The following SLC17A5 variants were observed in gnomAD, a reference collection of about 807,000 sequenced individuals.
SLC17A5 encodes the protein sialin.
In SLC17A5, 47 loss-of-function variants were observed where a neutral mutation model predicts 59.4. That is an observed-to-expected ratio of 0.79 (90% CI 0.63 to 1.01). The LOEUF (loss-of-function observed/expected upper bound fraction) is 1.01, where lower values mean the gene tolerates loss of function less well. Among genes scored for constraint, SLC17A5 ranks in the 50% least tolerant of loss-of-function variants. SLC17A5 has a pLI of 0.00. For missense variants in SLC17A5, 522 were observed against 595.5 expected (o/e 0.88, Z 1.28); for synonymous variants, 202 against 210.7 (o/e 0.96, Z 0.36).
chr6:73,645,855 AGAG>A (rs1158037039), intron 1 of SLC17A5, among the ~76,000 whole-genome samples: 1 of 149,416 alleles, frequency 6.7e-6, no homozygotes, highest in African/African-American at 2.4e-5. Context: ...GGATCATGTG[AGAG>A]GAGGAGTTTG....
chr6:73,634,449 G>C (rs934615204), intron 6 of SLC17A5, among the ~76,000 whole-genome samples: 3 of 152,156 alleles, frequency 2.0e-5, no homozygotes, highest in Admixed American at 6.6e-5. Context: ...ACCCAGGCTG[G>C]AGTGCAGTGG....
At chr6:73,624,611 C>T (rs921425524) in intron 6 of SLC17A5, among the ~76,000 whole-genome samples, 1 of 152,030 alleles carries the variant, frequency 6.6e-6, no homozygotes, top group Non-Finnish European at 1.5e-5. Context: ...CGTGGTGGCT[C>T]ATGCCAGTAA....
intron 6 of SLC17A5, among the ~76,000 whole-genome samples, chr6:73,623,662 TTTTATTTA>T (rs145897192): frequency 0.21 from 28,170 of 136,586 alleles, 3,106 homozygotes; most frequent in Middle Eastern, 0.26. Flanking sequence ...TGTCTTTTAT[TTTTATTTA>T]TTTATTTATT....
chr6:73,635,802 G>A lies in SLC17A5; in HGVS notation c.701-302C>T, dbSNP rs1301886857. Among the ~76,000 whole-genome samples the A allele has an allele frequency of 2.7e-5, 4 of 150,722 alleles. No individual in the cohort carries two copies. In the South Asian group the frequency reaches 8.3e-4, roughly 31 times the overall value. On this transcript the variant is annotated intron_variant, in intron 5 of 10. Coordinates refer to ENST00000355773, the MANE Select transcript of SLC17A5 (RefSeq NM_012434.5). ...GTCTCACAGGCTGGAGTGCAGTGAC[G>A]TGATCTCGGCTCACTGCAACCTCCG...
At chr6:73,643,506 T>C (rs1769386958) in intron 2 of SLC17A5, among the ~76,000 whole-genome samples, 1 of 151,932 alleles carries the variant, frequency 6.6e-6, no homozygotes, top group Non-Finnish European at 1.5e-5. Context: ...GACGAAGTCT[T>C]GCTCTTGTTG....
intron 7 of SLC17A5, chr6:73,618,393 G>A (rs2150095369): frequency 3.3e-6 from 1 of 302,820 alleles, no homozygotes; most frequent in East Asian, 5.8e-5. Flanking sequence ...AGGAGAAGAG[G>A]AAACACAAGA....
At chr6:73,602,512 C>T (rs939623551) in intron 9 of SLC17A5, among the ~76,000 whole-genome samples, 12 of 152,194 alleles carry the variant, frequency 7.9e-5, no homozygotes, top group Middle Eastern at 6.8e-3. Flanking sequence ...CGGTGGCTCA[C>T]GCTTGTAATC....
chr6:73,617,710 G>T (rs1209271965), intron 7 of SLC17A5, among the ~76,000 whole-genome samples: 1 of 151,836 alleles, frequency 6.6e-6, no homozygotes, highest in Non-Finnish European at 1.5e-5. Flanking sequence ...TGTGGCGGTG[G>T]ATGCCTGTAA....
chr6:73,593,731 A>G lies in SLC17A5; in HGVS notation c.*1346T>C, dbSNP rs750123499. On this transcript the variant is annotated 3_prime_UTR_variant, in exon 11 of 11. Coordinates refer to ENST00000355773, the MANE Select transcript of SLC17A5 (RefSeq NM_012434.5). ...TTAGATGAAGACAGACTGAACAAAC[A>G]GTGAGAATTAATTAAAAAAAAAATT... 1.3e-5 allele frequency: 2 copies of G among 152,188 alleles called. No individual in the cohort carries two copies. The highest frequency in any genetic ancestry group is 2.4e-5 in the African/African-American group (1 of 41,452). The allele number at this position is 152,188 out of a possible 1,614,324, so 9.4% of individuals were successfully genotyped here.
chr6:73,631,060 A>AG (rs1561995922), intron 6 of SLC17A5, among the ~76,000 whole-genome samples: 1 of 151,216 alleles, frequency 6.6e-6, no homozygotes, highest in East Asian at 1.9e-4. Flanking sequence ...AGAAAAAAAA[A>AG]AAAAAAGAAA....
At chr6:73,627,735 TCTC>T (rs773392303) in intron 6 of SLC17A5, among the ~76,000 whole-genome samples, 11 of 151,592 alleles carry the variant, frequency 7.3e-5, no homozygotes, top group Non-Finnish European at 1.6e-4. Flanking sequence ...TTCGAGCAAT[TCTC>T]CTGACTCAGC....
In SLC17A5 at chr6:73,647,257, T is replaced by C. The variant is rs1251972747; in HGVS notation, c.95-2654A>G. On this transcript the variant is annotated intron_variant, in intron 1 of 10. Transcript: ENST00000355773. ...TCATCTGGACCCTGCATGGAGACTA[T>C]AGAAAGGAGAAGTGTGAAGGGTGTA... is the stretch of plus-strand genomic sequence containing the variant. 2.6e-5 allele frequency among the ~76,000 whole-genome samples: 4 copies of C among 152,168 alleles called. No individual in the cohort carries two copies. In the South Asian group the frequency reaches 6.2e-4, roughly 24 times the overall value.
chr6:73,625,521 AC>A (rs1768370026), intron 6 of SLC17A5, among the ~76,000 whole-genome samples: 2 of 152,180 alleles, frequency 1.3e-5, no homozygotes, highest in African/African-American at 4.8e-5. Context: ...TCAAAGATGT[AC>A]AGATATAGGG....
At chr6:73,614,570 T>A (rs2150090790) in intron 8 of SLC17A5, among the ~76,000 whole-genome samples, 1 of 152,252 alleles carries the variant, frequency 6.6e-6, no homozygotes, top group Admixed American at 6.5e-5. Flanking sequence ...TTCAGGATGG[T>A]GGCTGGATTA....
intron 9 of SLC17A5, among the ~76,000 whole-genome samples, chr6:73,601,959 C>A (rs901474193): frequency 5.3e-5 from 8 of 151,890 alleles, no homozygotes; most frequent in Non-Finnish European, 1.0e-4. Flanking sequence ...TCATTGAGAA[C>A]GGGCTGGGAT....
Position 73,614,736 on chromosome 6 carries a change from C to T in SLC17A5, c.1111+579G>A, listed in dbSNP as rs561156873. 1.2e-3 allele frequency among the ~76,000 whole-genome samples: 188 copies of T among 152,248 alleles called. 1 individual carries two copies. The highest frequency in any genetic ancestry group is 4.5e-3 in the African/African-American group (185 of 41,540). ...GGGACAGGGTTTGGATGAACTTTTG[C>T]GGTCGGGGTTCTTGGAGGGTGGTGT... On this transcript the variant is annotated intron_variant, in intron 8 of 10. Transcript: ENST00000355773.
chr6:73,648,217 A>C (rs1452437851), intron 1 of SLC17A5, among the ~76,000 whole-genome samples: 1 of 152,248 alleles, frequency 6.6e-6, no homozygotes, highest in African/African-American at 2.4e-5. Flanking sequence ...TATTTCAAGA[A>C]GGTATAGCAG....
intron 1 of SLC17A5, among the ~76,000 whole-genome samples, chr6:73,645,754 C>G (rs1401658488): frequency 2.1e-5 from 3 of 143,044 alleles, no homozygotes; most frequent in Non-Finnish European, 3.0e-5. Flanking sequence ...CGCCACTGCA[C>G]TCCAGCCTGG....
chr6:73,595,916 GTATATATATACATATACATATATATA>G (rs1766772432), intron 10 of SLC17A5, among the ~76,000 whole-genome samples: 1 of 722 alleles, frequency 1.4e-3, no homozygotes, highest in Non-Finnish European at 2.4e-3. Flanking sequence ...ATATATATAC[GTATATATATACATATACATATATATA>G]TATATACGTA....
Sources: gnomAD v4.1 joint callset for allele counts (sites outside exome capture counted in the v4.1 genomes callset) on GRCh38, gnomAD v4.1.1 for gene constraint, MANE v1.5 for transcripts, NCBI Gene and HGNC (gene_info 2026-07-23, HGNC 2026-07-21) for gene names.